The following MAGI2 variants were observed in gnomAD, a reference collection of about 807,000 sequenced individuals.
MAGI2 encodes membrane-associated guanylate kinase, WW and PDZ domain-containing protein 2.
A neutral mutation model predicts 133.3 loss-of-function variants in MAGI2; 35 were observed. That is an observed-to-expected ratio of 0.26 (90% CI 0.20 to 0.35). MAGI2 has a LOEUF of 0.35. Ranked by LOEUF, MAGI2 falls within the 10% of genes least tolerant of loss-of-function variation. The pLI is 1.00. For missense variants in MAGI2, 1,636 were observed against 1,863.4 expected (o/e 0.88, Z 2.25); for synonymous variants, 729 against 710.6 (o/e 1.03, Z -0.41).
chr7:78,798,643 G>C (rs967282385), intron 2 of MAGI2, among the ~76,000 whole-genome samples: 2 of 152,138 alleles, frequency 1.3e-5, no homozygotes, highest in Non-Finnish European at 2.9e-5. Flanking sequence ...TACTGAATGA[G>C]AGGCCACAGT....
At chr7:79,224,933 C>T (rs1830718810) in intron 1 of MAGI2, among the ~76,000 whole-genome samples, 2 of 152,270 alleles carry the variant, frequency 1.3e-5, no homozygotes, top group Non-Finnish European at 2.9e-5. Context: ...AAGAACTGAA[C>T]ACCACAAAAC....
intron 14 of MAGI2, among the ~76,000 whole-genome samples, chr7:78,168,530 G>T (rs1402781826): frequency 6.6e-6 from 1 of 152,162 alleles, no homozygotes; most frequent in African/African-American, 2.4e-5. Context: ...ATAATCTGAT[G>T]CTAATTGGCT....
intron 20 of MAGI2, among the ~76,000 whole-genome samples, chr7:78,092,206 G>A (rs969038182): frequency 3.3e-5 from 5 of 152,110 alleles, no homozygotes; most frequent in African/African-American, 4.8e-5. Flanking sequence ...TAAAAATACA[G>A]TCTGTCTCTA....
At chr7:78,592,828 C>T (rs868577418) in intron 3 of MAGI2, among the ~76,000 whole-genome samples, 75 of 106,838 alleles carry the variant, frequency 7.0e-4, no homozygotes, top group Middle Eastern at 4.5e-3. Flanking sequence ...TACTGATTCT[C>T]TTTTTTTTTT....
At chr7:78,300,738 A>C (rs1797751729) in intron 9 of MAGI2, among the ~76,000 whole-genome samples, 1 of 152,202 alleles carries the variant, frequency 6.6e-6, no homozygotes, top group Non-Finnish European at 1.5e-5. Context: ...TTTTACATGG[A>C]AATCCTATAA....
At chr7:78,581,885 C>T (rs770849360) in intron 3 of MAGI2, among the ~76,000 whole-genome samples, 15 of 151,936 alleles carry the variant, frequency 9.9e-5, no homozygotes, top group Non-Finnish European at 1.8e-4. Context: ...CTTAGTAAGG[C>T]CTGTTTGTTA....
At chr7:79,419,774 A>C (rs544706605) in intron 1 of MAGI2, among the ~76,000 whole-genome samples, 1 of 152,206 alleles carries the variant, frequency 6.6e-6, no homozygotes, top group East Asian at 1.9e-4. Flanking sequence ...CTGATATTGA[A>C]GTAGCAAATG....
intron 1 of MAGI2, among the ~76,000 whole-genome samples, chr7:79,172,345 C>A (rs1208880342): frequency 6.6e-6 from 1 of 151,902 alleles, no homozygotes; most frequent in East Asian, 1.9e-4. Flanking sequence ...ATAGCCATAC[C>A]TTTGAACCCT....
intron 20 of MAGI2, among the ~76,000 whole-genome samples, chr7:78,118,810 A>C (rs1820134956): frequency 6.6e-6 from 1 of 152,224 alleles, no homozygotes; most frequent in Non-Finnish European, 1.5e-5. Flanking sequence ...TACAAAACTC[A>C]ACATACTTGT....
At chr7:78,564,124 C>T (rs1199870810) in intron 3 of MAGI2, among the ~76,000 whole-genome samples, 6 of 152,126 alleles carry the variant, frequency 3.9e-5, no homozygotes, top group Admixed American at 3.3e-4. Flanking sequence ...TGCTGTACCA[C>T]GCCAAGGTTA....
intron 20 of MAGI2, among the ~76,000 whole-genome samples, chr7:78,081,990 C>T (rs1258150051): frequency 6.6e-6 from 1 of 152,192 alleles, no homozygotes; most frequent in East Asian, 1.9e-4. Context: ...GAGTGAAGTA[C>T]TTCCACATGG....
At position 78,432,142 on chromosome 7, in the gene MAGI2, A is replaced by G. The variant is rs77531682; in HGVS notation, c.1045+57619T>C. Among the ~76,000 whole-genome samples the G allele has an allele frequency of 9.5e-3, 1,445 of 151,850 alleles. 20 individuals are homozygous for G. The highest frequency in any genetic ancestry group is 0.033 in the African/African-American group (1,369 of 41,526). ...AAATTATTAATTTTTTTTATCTGAC[A>G]GCAAATTTGGTTGAGCCTAGCTAAA... is the stretch of plus-strand genomic sequence containing the variant. On this transcript the variant is annotated intron_variant, in intron 6 of 21. Transcript: ENST00000354212.
intron 1 of MAGI2, among the ~76,000 whole-genome samples, chr7:79,085,136 A>C (rs925960329): frequency 6.6e-6 from 1 of 151,666 alleles, no homozygotes; most frequent in East Asian, 1.9e-4. Flanking sequence ...GATTTTCCAC[A>C]GTTTTCTAAG....
chr7:78,530,692 T>A (rs1354227320), intron 3 of MAGI2, among the ~76,000 whole-genome samples: 1 of 152,058 alleles, frequency 6.6e-6, no homozygotes, highest in Non-Finnish European at 1.5e-5. Context: ...CTCTTTTCAT[T>A]AGGCTCCTAC....
intron 1 of MAGI2, among the ~76,000 whole-genome samples, chr7:79,406,253 T>G (rs910985891): frequency 6.6e-6 from 1 of 152,062 alleles, no homozygotes; most frequent in Non-Finnish European, 1.5e-5. Context: ...AAGAGGATAT[T>G]GCAGCCAAGA....
At chr7:78,900,066 G>A (rs983722458) in intron 2 of MAGI2, among the ~76,000 whole-genome samples, 1 of 152,074 alleles carries the variant, frequency 6.6e-6, no homozygotes, top group South Asian at 2.1e-4. Context: ...TTATTTGAAA[G>A]GAGCCTCTTT....
At chr7:78,851,523 T>C (rs548015759) in intron 2 of MAGI2, among the ~76,000 whole-genome samples, 4 of 152,160 alleles carry the variant, frequency 2.6e-5, no homozygotes, top group South Asian at 2.1e-4. Flanking sequence ...CAACTCCCTG[T>C]ATATTCCTCC....
At chr7:78,811,000 T>A (rs1788996700) in intron 2 of MAGI2, among the ~76,000 whole-genome samples, 1 of 152,162 alleles carries the variant, frequency 6.6e-6, no homozygotes, top group Admixed American at 6.5e-5. Context: ...ATGTAGGCAA[T>A]AAATTGAAAT....
chr7:78,700,662 C>A (rs1817974178), intron 2 of MAGI2, among the ~76,000 whole-genome samples: 1 of 151,874 alleles, frequency 6.6e-6, no homozygotes, highest in South Asian at 2.1e-4. Context: ...TCTGTTTGAT[C>A]AAAGATTGAA....
Sources: gnomAD v4.1 joint callset for allele counts (sites outside exome capture counted in the v4.1 genomes callset) on GRCh38, gnomAD v4.1.1 for gene constraint, MANE v1.5 for transcripts, NCBI Gene and HGNC (gene_info 2026-07-23, HGNC 2026-07-21) for gene names.